Variants in FAM13A observed in about 807,000 individuals in gnomAD.
FAM13A encodes family with sequence similarity 13 member A, also known as protein FAM13A.
FAM13A carries 76 observed loss-of-function variants against 129.6 expected under a neutral mutation model. That is an observed-to-expected ratio of 0.59 (90% CI 0.49 to 0.71). FAM13A has a LOEUF of 0.71. FAM13A is among the 30% of genes least tolerant of loss of function. The pLI is 0.00. For synonymous variants in FAM13A, 443 were observed against 449.9 expected (o/e 0.98, Z 0.20); for missense variants, 1,108 against 1,249.3 (o/e 0.89, Z 1.70).
intron 19 of FAM13A, among the ~76,000 whole-genome samples, chr4:88,741,942 C>T (rs914030847): frequency 6.6e-6 from 1 of 152,144 alleles, no homozygotes; most frequent in Non-Finnish European, 1.5e-5. Context: ...TGTAAAATGA[C>T]AGAATTTAGG....
chr4:88,926,346 T>G (rs1752158899), intron 5 of FAM13A, among the ~76,000 whole-genome samples: 1 of 152,140 alleles, frequency 6.6e-6, no homozygotes, highest in Admixed American at 6.6e-5. Flanking sequence ...AAAACATAAG[T>G]GATCTTTAAA....
At chr4:89,040,086 G>A (rs1769914672) in intron 1 of FAM13A, among the ~76,000 whole-genome samples, 1 of 152,162 alleles carries the variant, frequency 6.6e-6, no homozygotes, top group African/African-American at 2.4e-5. Context: ...ATAACATCAT[G>A]TAAGAACTAA....
intron 7 of FAM13A, among the ~76,000 whole-genome samples, chr4:88,843,954 G>T (rs1736248918): frequency 6.6e-6 from 1 of 152,170 alleles, no homozygotes; most frequent in Non-Finnish European, 1.5e-5. Flanking sequence ...ACTTTCCAAG[G>T]ACCTGAAGAG....
intron 8 of FAM13A, among the ~76,000 whole-genome samples, chr4:88,791,661 T>C (rs1725185181): frequency 6.6e-6 from 1 of 152,098 alleles, no homozygotes; most frequent in Non-Finnish European, 1.5e-5. Context: ...TCAAAGAAAA[T>C]CAAAGTTGTT....
At chr4:88,913,648 T>C (rs1412996932) in intron 5 of FAM13A, among the ~76,000 whole-genome samples, 1 of 152,202 alleles carries the variant, frequency 6.6e-6, no homozygotes, top group African/African-American at 2.4e-5. Context: ...GAGAATTGCC[T>C]GGTATAGCAG....
At chr4:88,795,711 T>C (rs1363561037) in intron 8 of FAM13A, among the ~76,000 whole-genome samples, 1 of 151,792 alleles carries the variant, frequency 6.6e-6, no homozygotes, top group Non-Finnish European at 1.5e-5. Context: ...TTTACATAAA[T>C]TGTTGGCTAT....
At chr4:88,854,359 C>T (rs781279735) in intron 6 of FAM13A, among the ~76,000 whole-genome samples, 8 of 152,100 alleles carry the variant, frequency 5.3e-5, no homozygotes, top group Non-Finnish European at 8.8e-5. Context: ...ACAGCCTTAC[C>T]GTAATAAATG....
At chr4:88,749,579 A>AC (rs913081098) in intron 16 of FAM13A, among the ~76,000 whole-genome samples, 192 bp downstream of exon 16, 3 of 152,054 alleles carry the variant, frequency 2.0e-5, no homozygotes, top group Non-Finnish European at 4.4e-5. Context: ...GTAAGAATAC[A>AC]CTTGTGCAAG....
At chr4:88,954,365 A>G (rs187453587) in intron 4 of FAM13A, among the ~76,000 whole-genome samples, 1 of 152,360 alleles carries the variant, frequency 6.6e-6, no homozygotes, top group African/African-American at 2.4e-5. Context: ...TCTCTGCAGT[A>G]AACTGCCATC....
intron 14 of FAM13A, among the ~76,000 whole-genome samples, chr4:88,752,428 C>CT (rs1742811384): frequency 6.6e-6 from 1 of 152,048 alleles, no homozygotes; most frequent in Admixed American, 6.6e-5. Flanking sequence ...AAAAAATTAA[C>CT]TTTATATGGA....
chr4:88,948,064 C>T (rs188600832), intron 4 of FAM13A, among the ~76,000 whole-genome samples: 1 of 152,234 alleles, frequency 6.6e-6, no homozygotes, highest in Non-Finnish European at 1.5e-5. Context: ...GCTCTTGTCC[C>T]TCCAGTACAT....
At chr4:88,738,879 C>T in intron 20 of FAM13A, 151 bp downstream of exon 20, 1 of 604,690 alleles carries the variant, frequency 1.7e-6, no homozygotes, top group Non-Finnish European at 3.0e-6. Context: ...AGTCTTCATT[C>T]CTCAAGCTTG....
chr4:88,743,382 T>C (rs927218638), intron 19 of FAM13A, among the ~76,000 whole-genome samples: 2 of 152,236 alleles, frequency 1.3e-5, no homozygotes, highest in Non-Finnish European at 2.9e-5. Context: ...TAGTTGCTGT[T>C]ACCTGACAAA....
chr4:88,925,498 T>G, intron 5 of FAM13A, among the ~76,000 whole-genome samples: 1 of 136,022 alleles, frequency 7.4e-6, no homozygotes, highest in Non-Finnish European at 1.5e-5. Context: ...AGGTGGGAAT[T>G]GAACAATGAG....
chr4:88,753,410 T>C (rs761479345), intron 14 of FAM13A, among the ~76,000 whole-genome samples: 1 of 152,244 alleles, frequency 6.6e-6, no homozygotes, highest in Non-Finnish European at 1.5e-5. Context: ...GTCCTTTTCC[T>C]AGCGTCTCCC....
At chr4:88,948,486 C>T (rs116814405) in intron 4 of FAM13A, among the ~76,000 whole-genome samples, 2,981 of 151,506 alleles carry the variant, frequency 0.02, 99 homozygotes, top group African/African-American at 0.068. Flanking sequence ...ATGGAAATGG[C>T]CTGTATCTTT....
Position 88,945,990 on chromosome 4 carries a change from G to GTGTGTGTGTGTATATA in FAM13A, c.606-7750_606-7749insTATATACACACACACA. 1.7e-3 allele frequency among the ~76,000 whole-genome samples: 103 copies of GTGTGTGTGTGTATATA among 61,862 alleles called. 1 individual carries two copies. Among genetic ancestry groups the GTGTGTGTGTGTATATA allele is most frequent in the African/African-American group, 2.9e-3 (33 of 11,548 alleles). The allele number at this position is 61,862 out of a possible 152,430, so 40.6% of individuals were successfully genotyped here. Reference sequence around the variant, plus strand: ...TGTGTGTGTGTGTGTGTGTGTGTGTGTATATATATATATATATATATATAT... The same window carrying GTGTGTGTGTGTATATA: ...TGTGTGTGTGTGTGTGTGTGTGTGTGTGTGTGTGTGTATATATATATATATATATATATATATATAT... On this transcript the variant is annotated intron_variant, in intron 4 of 23. Coordinates refer to ENST00000264344, the MANE Select transcript of FAM13A (RefSeq NM_014883.4).
intron 4 of FAM13A, among the ~76,000 whole-genome samples, chr4:88,949,845 T>C (rs1409288578): frequency 6.6e-6 from 1 of 152,190 alleles, no homozygotes; most frequent in African/African-American, 2.4e-5. Flanking sequence ...TTATAAACAG[T>C]TCCACTTGTT....
intron 1 of FAM13A, among the ~76,000 whole-genome samples, chr4:89,033,236 A>T (rs1000439735): frequency 6.6e-6 from 1 of 152,228 alleles, no homozygotes. Flanking sequence ...ATAAGAAAAA[A>T]TCAAAATGAT....
Sources: allele counts gnomAD v4.1 joint callset (sites outside exome capture counted in the v4.1 genomes callset), GRCh38; gene constraint gnomAD v4.1.1; transcripts MANE v1.5; gene names NCBI Gene and HGNC (gene_info 2026-07-23, HGNC 2026-07-21).